The following PPIL6 variants were observed in gnomAD, a reference collection of about 807,000 sequenced individuals.
PPIL6 encodes peptidylprolyl isomerase like 6, also known as probable inactive peptidyl-prolyl cis-trans isomerase-like 6.
Under a neutral mutation model 36.8 loss-of-function variants are expected in PPIL6, and 39 were observed. The observed-to-expected ratio is 1.06, with a 90% CI of 0.82 to 1.38. PPIL6 has a LOEUF of 1.38. PPIL6 is among the 40% of genes most tolerant of loss of function. The pLI is 0.00. For synonymous variants in PPIL6, 123 were observed against 134.1 expected (o/e 0.92, Z 0.57); for missense variants, 368 against 379.1 (o/e 0.97, Z 0.24).
chr6:109,414,477 C>CTTTTTTTTTTT (rs146541023), intron 6 of PPIL6, among the ~76,000 whole-genome samples: 6 of 86,512 alleles, frequency 6.9e-5, no homozygotes, highest in Non-Finnish European at 1.2e-4. Flanking sequence ...TGTCTTTTAG[C>CTTTTTTTTTTT]TTTTTTTTTT....
intron 2 of PPIL6, 34 bp from the exon 3 acceptor site, chr6:109,431,379 G>A (rs75127203): frequency 0.024 from 25,685 of 1,088,334 alleles, 354 homozygotes; most frequent in Non-Finnish European, 0.029. Flanking sequence ...AAAAAAAAAC[G>A]TAAGAAGTGG....
At chr6:109,439,804 G>A (rs531101709) in intron 1 of PPIL6, among the ~76,000 whole-genome samples, 25 of 152,262 alleles carry the variant, frequency 1.6e-4, no homozygotes, top group African/African-American at 5.8e-4. Context: ...TCTACATGCC[G>A]ACATTTCATA....
intron 7 of PPIL6, 95 bp from the exon 8 acceptor site, chr6:109,393,032 G>C (rs1334237216): frequency 5.8e-6 from 4 of 690,934 alleles, no homozygotes; most frequent in South Asian, 1.8e-5. Context: ...CTATAGCTAA[G>C]ACTATTTCCT....
At chr6:109,403,278 A>T (rs1054400630) in intron 6 of PPIL6, among the ~76,000 whole-genome samples, 7 of 152,070 alleles carry the variant, frequency 4.6e-5, no homozygotes, top group Admixed American at 3.9e-4. Flanking sequence ...GCTAGCTCTA[A>T]TTTTTTTTAA....
At chr6:109,417,955 A>C (rs1304361466) in intron 6 of PPIL6, 2 of 152,214 alleles carry the variant, frequency 1.3e-5, no homozygotes, top group African/African-American at 2.4e-5. Context: ...GCCTACAGCA[A>C]TACCCTATTC....
intron 5 of PPIL6, 50 bp downstream of exon 5, chr6:109,426,797 C>A: frequency 8.0e-7 from 1 of 1,249,154 alleles, no homozygotes; most frequent in Admixed American, 2.3e-5. Context: ...AAAGTTTGGA[C>A]CTTCTCATTT....
At chr6:109,401,168 G>A (rs1772521663) in intron 6 of PPIL6, among the ~76,000 whole-genome samples, 1 of 151,818 alleles carries the variant, frequency 6.6e-6, no homozygotes, top group African/African-American at 2.4e-5. Flanking sequence ...AAGCCACCGT[G>A]CCTGGCCAAT....
intron 1 of PPIL6, among the ~76,000 whole-genome samples, chr6:109,437,306 T>C (rs975691859): frequency 2.0e-5 from 3 of 152,316 alleles, no homozygotes; most frequent in Admixed American, 2.0e-4. Flanking sequence ...GGGACAGTGC[T>C]TGGAGGTCCT....
At chr6:109,437,360 G>T (rs116304488) in intron 1 of PPIL6, among the ~76,000 whole-genome samples, 2,925 of 152,144 alleles carry the variant, frequency 0.019, 87 homozygotes, top group African/African-American at 0.068. Context: ...AGGTCATCAG[G>T]GGTGAGTATT....
At chr6:109,427,273 A>AT in intron 3 of PPIL6, 117 bp from the exon 4 acceptor site, 1 of 618,224 alleles carries the variant, frequency 1.6e-6, no homozygotes, top group Non-Finnish European at 2.9e-6. Context: ...CAATAACATT[A>AT]CCAATGGATA....
chr6:109,392,727 C>A lies in PPIL6; in HGVS notation c.*99G>T. Reference sequence around the variant, plus strand: ...AGGCAACCTACAGTGTCTGCCACGGCTTTCAAATTACAATTTATCAAGTAC... The same window carrying A: ...AGGCAACCTACAGTGTCTGCCACGGATTTCAAATTACAATTTATCAAGTAC... On this transcript the variant is annotated 3_prime_UTR_variant, in exon 8 of 8. Coordinates refer to ENST00000521072, the MANE Select transcript of PPIL6 (RefSeq NM_173672.5). The A allele has an allele frequency of 2.7e-6, 2 of 737,524 alleles. No homozygotes were observed. Among genetic ancestry groups the A allele is most frequent in the East Asian group, 2.8e-5 (1 of 36,352 alleles). The allele number at this position is 737,524 out of a possible 1,614,324, so 45.7% of individuals were successfully genotyped here.
chr6:109,440,765 G>A, upstream of PPIL6: 1 of 314,770 alleles, frequency 3.2e-6, no homozygotes, highest in Non-Finnish European at 5.2e-6. Context: ...GCGCGCGGGC[G>A]GCCGCGACCG....
intron 3 of PPIL6, among the ~76,000 whole-genome samples, chr6:109,428,547 T>C (rs1354059319): frequency 8.5e-6 from 1 of 118,218 alleles, no homozygotes; most frequent in Admixed American, 9.5e-5. Context: ...AGTGAGACCC[T>C]ATGAAGAAAA....
At chr6:109,415,409 T>C (rs1773205392) in intron 6 of PPIL6, among the ~76,000 whole-genome samples, 2 of 152,214 alleles carry the variant, frequency 1.3e-5, no homozygotes, top group African/African-American at 4.8e-5. Context: ...CCTCATGATC[T>C]GGCACTGGTT....
chr6:109,403,116 TA>T (rs1772632834), intron 6 of PPIL6: 1 of 1,480,760 alleles, frequency 6.8e-7, no homozygotes, highest in Non-Finnish European at 9.0e-7. Context: ...GCTCTAAAAT[TA>T]AAGAGCTATA....
At chr6:109,438,331 A>C (rs1487944593) in intron 1 of PPIL6, among the ~76,000 whole-genome samples, 1 of 151,990 alleles carries the variant, frequency 6.6e-6, no homozygotes, top group African/African-American at 2.4e-5. Context: ...CTATAATCCC[A>C]GCACTTCGGG....
chr6:109,428,721 A>G (rs1451624631), intron 3 of PPIL6, among the ~76,000 whole-genome samples: 4 of 152,108 alleles, frequency 2.6e-5, no homozygotes, highest in Non-Finnish European at 5.9e-5. Flanking sequence ...GGCATCTAGC[A>G]ATGAACTGTT....
chr6:109,436,678 G>A (rs915295141), intron 1 of PPIL6, among the ~76,000 whole-genome samples: 7 of 152,024 alleles, frequency 4.6e-5, no homozygotes, highest in African/African-American at 1.5e-4. Flanking sequence ...CAGAGATCAC[G>A]CCACTGCACT....
chr6:109,433,971 T>C (rs887527160), intron 2 of PPIL6, among the ~76,000 whole-genome samples: 1 of 151,962 alleles, frequency 6.6e-6, no homozygotes, highest in Non-Finnish European at 1.5e-5. Context: ...AACTGGGGAA[T>C]AGAATCCACA....
Sources: allele counts gnomAD v4.1 joint callset (sites outside exome capture counted in the v4.1 genomes callset), GRCh38; gene constraint gnomAD v4.1.1; transcripts MANE v1.5; gene names NCBI Gene and HGNC (gene_info 2026-07-23, HGNC 2026-07-21).